The following GNA14 variants were observed in gnomAD, a reference collection of about 807,000 sequenced individuals.
The protein encoded by GNA14 is guanine nucleotide-binding protein subunit alpha-14.
A neutral mutation model predicts 42.0 loss-of-function variants in GNA14; 50 were observed. The observed-to-expected ratio is 1.19, with a 90% confidence interval of 0.95 to 1.51. The LOEUF (loss-of-function observed/expected upper bound fraction) is 1.51, where lower values mean the gene tolerates loss of function less well. GNA14 is among the 40% of genes most tolerant of loss of function. The pLI is 0.00. For synonymous variants in GNA14, 173 were observed against 163.1 expected (o/e 1.06, Z -0.46); for missense variants, 473 against 446.2 (o/e 1.06, Z -0.54).
intron 1 of GNA14, among the ~76,000 whole-genome samples, chr9:77,548,984 G>T (rs778867036): frequency 6.6e-6 from 1 of 151,632 alleles, no homozygotes; most frequent in Non-Finnish European, 1.5e-5. Context: ...TCTATTGCCA[G>T]GCTGGAGTGC....
At chr9:77,460,254 G>GACA (rs1165297586) in intron 2 of GNA14, among the ~76,000 whole-genome samples, 1 of 152,218 alleles carries the variant, frequency 6.6e-6, no homozygotes, top group Non-Finnish European at 1.5e-5. Flanking sequence ...GACAGAAGAG[G>GACA]ACAGAGGGAG....
chr9:77,608,732 G>GTTTTTTTTTTTT (rs111701182), intron 1 of GNA14, among the ~76,000 whole-genome samples: 1 of 121,166 alleles, frequency 8.3e-6, no homozygotes, highest in African/African-American at 3.0e-5. Context: ...CCAATATCCT[G>GTTTTTTTTTTTT]TTTTTTTTTT....
At chr9:77,495,551 G>T (rs563220644) in intron 2 of GNA14, among the ~76,000 whole-genome samples, 3 of 152,138 alleles carry the variant, frequency 2.0e-5, no homozygotes, top group Admixed American at 6.5e-5. Flanking sequence ...TGAGATGTAT[G>T]GACTTTTGTG....
chr9:77,594,674 AAG>A (rs749612287), intron 1 of GNA14, among the ~76,000 whole-genome samples: 2 of 152,198 alleles, frequency 1.3e-5, no homozygotes, highest in Non-Finnish European at 2.9e-5. Flanking sequence ...TAAAAGGTGA[AAG>A]GACTTGAAGG....
chr9:77,444,140 C>T (rs1352754012), intron 2 of GNA14, among the ~76,000 whole-genome samples: 4 of 152,178 alleles, frequency 2.6e-5, no homozygotes, highest in East Asian at 3.9e-4. Flanking sequence ...AACCTACTGA[C>T]GTTTCCCAGA....
chr9:77,536,837 C>G (rs1201608317), intron 1 of GNA14, among the ~76,000 whole-genome samples: 1 of 152,136 alleles, frequency 6.6e-6, no homozygotes, highest in African/African-American at 2.4e-5. Context: ...GTCATGCTAA[C>G]AAGTTTTAAT....
At chr9:77,489,765 G>A (rs184588405) in intron 2 of GNA14, among the ~76,000 whole-genome samples, 8 of 152,200 alleles carry the variant, frequency 5.3e-5, no homozygotes, top group African/African-American at 1.7e-4. Flanking sequence ...TCGTGGTCTC[G>A]CTGGGCTCAG....
chr9:77,486,013 T>C (rs1490944773), intron 2 of GNA14, among the ~76,000 whole-genome samples: 3 of 152,054 alleles, frequency 2.0e-5, no homozygotes, highest in Non-Finnish European at 4.4e-5. Context: ...AACAAGAGAG[T>C]CAGCCTGTCC....
At chr9:77,581,422 G>A (rs1823222446) in intron 1 of GNA14, among the ~76,000 whole-genome samples, 1 of 152,156 alleles carries the variant, frequency 6.6e-6, no homozygotes, top group Admixed American at 6.5e-5. Context: ...GTAAAATGAA[G>A]ATAACCATAG....
At position 77,445,388 on chromosome 9, in the gene GNA14, G is replaced by A. The variant is rs148047397; in HGVS notation, c.310-10866C>T. On this transcript the variant is annotated intron_variant, in intron 2 of 6. Transcript: ENST00000341700. ...TCAACACCCTCCAAACAAGGAATGC[G>A]TGTATTCGGCCAGTGGAGCTGCTTC... Among the ~76,000 whole-genome samples the A allele has an allele frequency of 2.2e-3, 333 of 151,788 alleles. 2 individuals carry two copies. The highest frequency in any genetic ancestry group is 5.9e-3 in the Admixed American group (90 of 15,224).
rs114195323 is a variant in GNA14 at position 77,467,219 on chromosome 9, G to A, written c.310-32697C>T. Reference sequence around the variant, plus strand: ...GGATGAGTGTAATTTTTTAAAGTCCGGATTCCTAGGAGTCACCTCTGGGTC... The same window carrying A: ...GGATGAGTGTAATTTTTTAAAGTCCAGATTCCTAGGAGTCACCTCTGGGTC... On this transcript the variant is annotated intron_variant, in intron 2 of 6. Transcript: ENST00000341700. 7.2e-3 allele frequency among the ~76,000 whole-genome samples: 1,092 copies of A among 151,930 alleles called. 16 individuals carry two copies. The highest frequency in any genetic ancestry group is 0.025 in the African/African-American group (1,052 of 41,414).
intron 1 of GNA14, among the ~76,000 whole-genome samples, chr9:77,584,890 C>G (rs925044947): frequency 6.6e-6 from 1 of 152,122 alleles, no homozygotes; most frequent in Non-Finnish European, 1.5e-5. Context: ...CATTTGTAAA[C>G]TGTCATGGAG....
chr9:77,496,685 A>G (rs1192694328), intron 2 of GNA14, among the ~76,000 whole-genome samples: 1 of 152,220 alleles, frequency 6.6e-6, no homozygotes, highest in African/African-American at 2.4e-5. Context: ...GGAGAATCAG[A>G]GATGTCTGCA....
chr9:77,446,357 T>C (rs956956506), intron 2 of GNA14, among the ~76,000 whole-genome samples: 2 of 152,232 alleles, frequency 1.3e-5, no homozygotes, highest in South Asian at 2.1e-4. Context: ...AACTTACTTG[T>C]ACACTTGGTT....
chr9:77,448,764 A>G (rs1835863501), intron 2 of GNA14, among the ~76,000 whole-genome samples: 1 of 152,230 alleles, frequency 6.6e-6, no homozygotes, highest in African/African-American at 2.4e-5. Flanking sequence ...CTATGAAAAA[A>G]ATATTGTCTT....
At chr9:77,600,883 C>A (rs939141112) in intron 1 of GNA14, among the ~76,000 whole-genome samples, 21 of 152,364 alleles carry the variant, frequency 1.4e-4, no homozygotes, top group African/African-American at 4.8e-4. Flanking sequence ...CGCGCCATTG[C>A]ACTCCAGCCC....
chr9:77,466,999 C>CGGTG (rs1554689802), intron 2 of GNA14, among the ~76,000 whole-genome samples: 1 of 95,578 alleles, frequency 1.0e-5, no homozygotes, highest in African/African-American at 6.0e-5. Context: ...TTTTACCACT[C>CGGTG]GGTGTGTGTG....
chr9:77,451,370 G>A (rs1362208513), intron 2 of GNA14, among the ~76,000 whole-genome samples: 1 of 152,072 alleles, frequency 6.6e-6, no homozygotes, highest in African/African-American at 2.4e-5. Context: ...AAAGTATAAA[G>A]GCAAACACAG....
intron 1 of GNA14, among the ~76,000 whole-genome samples, chr9:77,571,799 T>G (rs1587834207): frequency 6.6e-6 from 1 of 152,240 alleles, no homozygotes; most frequent in East Asian, 1.9e-4. Flanking sequence ...ACACAGGCAT[T>G]TAAGGACTTA....
Sources: gnomAD v4.1 joint callset for allele counts (sites outside exome capture counted in the v4.1 genomes callset) on GRCh38, gnomAD v4.1.1 for gene constraint, MANE v1.5 for transcripts, NCBI Gene and HGNC (gene_info 2026-07-23, HGNC 2026-07-21) for gene names.